Variants in TNIP3 observed in about 807,000 individuals in gnomAD.
TNIP3 encodes the protein TNFAIP3-interacting protein 3.
Under a neutral mutation model 54.1 loss-of-function variants are expected in TNIP3, and 34 were observed. The ratio of observed to expected loss-of-function variants is 0.63; its 90% CI spans 0.48 to 0.84. The LOEUF (loss-of-function observed/expected upper bound fraction) is 0.84, where lower values mean the gene tolerates loss of function less well. Ranked by LOEUF, TNIP3 falls within the 40% of genes least tolerant of loss-of-function variation. The pLI is 0.00. For synonymous variants in TNIP3, 134 were observed against 136.8 expected (o/e 0.98, Z 0.14); for missense variants, 366 against 387.6 (o/e 0.94, Z 0.47).
At chr4:121,150,944 T>A (rs918324261) in intron 5 of TNIP3, among the ~76,000 whole-genome samples, 7 of 152,166 alleles carry the variant, frequency 4.6e-5, no homozygotes, top group African/African-American at 1.7e-4. Flanking sequence ...GCTTTTAGCA[T>A]GACATGAGGA....
At chr4:121,153,518 G>A (rs1345288744) in intron 5 of TNIP3, among the ~76,000 whole-genome samples, 12 of 152,194 alleles carry the variant, frequency 7.9e-5, no homozygotes, top group Non-Finnish European at 2.9e-5. Flanking sequence ...ATTTTGCCCC[G>A]CATTTGTATG....
At chr4:121,156,265 T>A (rs1388780121) in intron 4 of TNIP3, among the ~76,000 whole-genome samples, 2 of 152,220 alleles carry the variant, frequency 1.3e-5, no homozygotes, top group African/African-American at 2.4e-5. Flanking sequence ...CCTCAGAGTC[T>A]TTACACTTTG....
At chr4:121,222,411 A>T (rs958051092) in intron 1 of TNIP3, among the ~76,000 whole-genome samples, 1 of 152,200 alleles carries the variant, frequency 6.6e-6, no homozygotes, top group African/African-American at 2.4e-5. Context: ...AAAGATGTGT[A>T]TTCAAATCTG....
rs753849612 is a variant in TNIP3 at position 121,132,674 on chromosome 4, A to T, written c.947-12T>A. ...TACTGAGGATAAACCTATGGAAAAC[A>T]GTAGGAAAATGTTTTAGATTAAAAA... is the stretch of plus-strand genomic sequence containing the variant. On this transcript the variant is annotated splice_polypyrimidine_tract_variant and intron_variant, in intron 10 of 10. Coordinates refer to ENST00000057513, the MANE Select transcript of TNIP3 (RefSeq NM_024873.6). 1 of 1,607,282 alleles carries T rather than the reference A, an allele frequency of 6.2e-7. No individual in the cohort carries two copies. Among genetic ancestry groups the T allele is most frequent in the Non-Finnish European group, 8.5e-7 (1 of 1,174,042 alleles).
At chr4:121,225,749 C>G (rs1004851399) in intron 1 of TNIP3, among the ~76,000 whole-genome samples, 1 of 152,126 alleles carries the variant, frequency 6.6e-6, no homozygotes, top group Non-Finnish European at 1.5e-5. Context: ...GCACCTTTGC[C>G]TTCCCCTTCT....
chr4:121,227,416 T>G (rs932453272), exon 1 of TNIP3: 24 of 1,533,582 alleles, frequency 1.6e-5, no homozygotes, highest in Non-Finnish European at 2.0e-5. Context: ...TTCTCAGATC[T>G]AGGTAAGCGT....
chr4:121,221,622 A>G (rs1189622619), upstream of TNIP3, among the ~76,000 whole-genome samples: 1 of 152,192 alleles, frequency 6.6e-6, no homozygotes, highest in African/African-American at 2.4e-5. Context: ...GTGTGGAAGA[A>G]ATTGGAGGAG....
chr4:121,200,929 C>A (rs1725848754), intron 2 of TNIP3, among the ~76,000 whole-genome samples: 1 of 152,078 alleles, frequency 6.6e-6, no homozygotes, highest in African/African-American at 2.4e-5. Flanking sequence ...CAAAGTGAAA[C>A]TGGCTTTTTG....
chr4:121,148,478 G>A (rs28465139), intron 6 of TNIP3, among the ~76,000 whole-genome samples: 9,024 of 152,256 alleles, frequency 0.059, 887 homozygotes, highest in African/African-American at 0.2. Context: ...TGCGAGTTCC[G>A]AAGATGTCAA....
intron 3 of TNIP3, among the ~76,000 whole-genome samples, chr4:121,181,824 A>AGT (rs1407084970): frequency 6.6e-6 from 1 of 152,206 alleles, no homozygotes; most frequent in Non-Finnish European, 1.5e-5. Flanking sequence ...TAGTTATAAA[A>AGT]GTAAATATTT....
At chr4:121,147,882 A>G (rs993822903) in intron 6 of TNIP3, among the ~76,000 whole-genome samples, 1 of 152,226 alleles carries the variant, frequency 6.6e-6, no homozygotes, top group African/African-American at 2.4e-5. Flanking sequence ...AGGTTTATCA[A>G]TTTTATTGTT....
At chr4:121,158,999 T>C (rs1303986219) in intron 2 of TNIP3, among the ~76,000 whole-genome samples, 2 of 152,236 alleles carry the variant, frequency 1.3e-5, no homozygotes, top group Non-Finnish European at 2.9e-5. Flanking sequence ...CCCACCACTC[T>C]GGGAGGCCAT....
chr4:121,204,229 A>G (rs564712438), intron 2 of TNIP3, among the ~76,000 whole-genome samples: 3 of 152,300 alleles, frequency 2.0e-5, no homozygotes, highest in East Asian at 3.9e-4. Context: ...CTGCTTCCCA[A>G]TCTATTCAAA....
chr4:121,145,442 A>G (rs1162522029), intron 7 of TNIP3, among the ~76,000 whole-genome samples: 2 of 152,216 alleles, frequency 1.3e-5, no homozygotes, highest in African/African-American at 4.8e-5. Flanking sequence ...TTTTGTTGAT[A>G]CCAATCAACT....
intron 10 of TNIP3, among the ~76,000 whole-genome samples, chr4:121,134,388 T>C (rs980304008): frequency 6.6e-6 from 1 of 152,234 alleles, no homozygotes; most frequent in African/African-American, 2.4e-5. Context: ...TATGACATAA[T>C]TGTTCTATAA....
chr4:121,132,890 T>C (rs1728559824), intron 10 of TNIP3, among the ~76,000 whole-genome samples: 1 of 152,202 alleles, frequency 6.6e-6, no homozygotes, highest in South Asian at 2.1e-4. Context: ...AGTTGTGGCC[T>C]CGTTCTAATT....
chr4:121,166,117 GT>G (rs1282794294), upstream of TNIP3, among the ~76,000 whole-genome samples: 1 of 152,178 alleles, frequency 6.6e-6, no homozygotes, highest in African/African-American at 2.4e-5. Flanking sequence ...TGCCTCTTGA[GT>G]CTCCCCTGTA....
upstream of TNIP3, among the ~76,000 whole-genome samples, chr4:121,165,023 G>A (rs544989410): frequency 3.8e-4 from 57 of 151,990 alleles, 1 homozygote; most frequent in African/African-American, 1.2e-3. Flanking sequence ...AGTGAACTGC[G>A]ATGGAACAGA....
At chr4:121,195,909 T>C (rs1437235299) in intron 2 of TNIP3, among the ~76,000 whole-genome samples, 3 of 152,234 alleles carry the variant, frequency 2.0e-5, no homozygotes, top group Admixed American at 6.5e-5. Flanking sequence ...AGTAGCATTC[T>C]GCTAAATAAA....
Sources: allele counts gnomAD v4.1 joint callset (sites outside exome capture counted in the v4.1 genomes callset), GRCh38; gene constraint gnomAD v4.1.1; transcripts MANE v1.5; gene names NCBI Gene and HGNC (gene_info 2026-07-23, HGNC 2026-07-21).